GNA14: variants seen among roughly 807,000 people sequenced by gnomAD.
GNA14 encodes the protein G protein subunit alpha 14.
Under a neutral mutation model 42.0 loss-of-function variants are expected in GNA14, and 50 were observed. The observed-to-expected ratio is 1.19, with a 90% confidence interval of 0.95 to 1.51. GNA14 has a LOEUF of 1.51. Among genes scored for constraint, GNA14 ranks in the 40% most tolerant of loss-of-function variants. The probability of loss-of-function intolerance (pLI) is 0.00; values close to 1 mark genes in which losing one functional copy is unlikely to be tolerated. For synonymous variants in GNA14, 173 were observed against 163.1 expected (o/e 1.06, Z -0.46); for missense variants, 473 against 446.2 (o/e 1.06, Z -0.54).
intron 1 of GNA14, among the ~76,000 whole-genome samples, chr9:77,628,884 A>G (rs966459793): frequency 6.6e-6 from 1 of 152,226 alleles, no homozygotes; most frequent in Non-Finnish European, 1.5e-5. Flanking sequence ...CAAAATTGAC[A>G]AATGGGATCA....
intron 2 of GNA14, among the ~76,000 whole-genome samples, chr9:77,459,555 C>T (rs1000965684): frequency 6.6e-6 from 1 of 152,160 alleles, no homozygotes; most frequent in African/African-American, 2.4e-5. Flanking sequence ...CCTCAGGAGA[C>T]CCCACTGCTC....
chr9:77,497,893 G>A (rs1005632019), intron 2 of GNA14, among the ~76,000 whole-genome samples: 5 of 152,130 alleles, frequency 3.3e-5, no homozygotes, highest in African/African-American at 1.2e-4. Context: ...TTAGTAGCCA[G>A]TACTACCCCA....
At chr9:77,460,976 ATAAAGT>A (rs1489586521) in intron 2 of GNA14, among the ~76,000 whole-genome samples, 2 of 152,250 alleles carry the variant, frequency 1.3e-5, no homozygotes, top group African/African-American at 4.8e-5. Flanking sequence ...AAAATAAAGT[ATAAAGT>A]TAGTTTGTTA....
chr9:77,593,960 G>A (rs1587841728), intron 1 of GNA14, among the ~76,000 whole-genome samples: 1 of 152,156 alleles, frequency 6.6e-6, no homozygotes, highest in East Asian at 1.9e-4. Context: ...TACAATGAAT[G>A]GTTCACCATT....
Position 77,647,861 on chromosome 9 carries a change from T to C in GNA14, c.-68A>G. On this transcript the variant is annotated 5_prime_UTR_variant, in exon 1 of 7. It removes the in-frame stop codon of an upstream open reading frame in the 5' UTR. Coordinates refer to ENST00000341700, the MANE Select transcript of GNA14 (RefSeq NM_004297.4). The stretch of plus-strand genomic sequence containing the variant: ...GCACCCGAATCCTCGGCCCGGCCGC[T>C]CACCCGGCCAGCATGCGACGGGCAC... The C allele has an allele frequency of 6.5e-7, 1 of 1,549,266 alleles. No individual in the cohort carries two copies. Among genetic ancestry groups the C allele is most frequent in the Admixed American group, 1.9e-5 (1 of 52,342 alleles).
At chr9:77,433,511 C>G (rs1395380564) in intron 3 of GNA14, among the ~76,000 whole-genome samples, 1 of 152,006 alleles carries the variant, frequency 6.6e-6, no homozygotes, top group Admixed American at 6.6e-5. Context: ...CTCAGCCTCC[C>G]GAGCAGCTGC....
chr9:77,446,580 T>A (rs748317018), intron 2 of GNA14, among the ~76,000 whole-genome samples: 2 of 151,344 alleles, frequency 1.3e-5, no homozygotes, highest in Non-Finnish European at 2.9e-5. Context: ...TCCCATGCAA[T>A]CCCCCTCCAT....
chr9:77,634,200 G>T (rs1033621985), intron 1 of GNA14, among the ~76,000 whole-genome samples: 2 of 151,984 alleles, frequency 1.3e-5, no homozygotes, highest in Non-Finnish European at 2.9e-5. Flanking sequence ...CAGGAGGATT[G>T]CTTGAGAGCA....
chr9:77,603,937 C>G (rs1587844992), intron 1 of GNA14, among the ~76,000 whole-genome samples: 1 of 99,926 alleles, frequency 1.0e-5, no homozygotes, highest in East Asian at 3.1e-4. Flanking sequence ...GAGTAAGACT[C>G]CATCTCAAAA....
intron 1 of GNA14, among the ~76,000 whole-genome samples, chr9:77,608,728 T>A (rs1233817757): frequency 8.2e-6 from 1 of 121,682 alleles, no homozygotes; most frequent in Admixed American, 8.4e-5. Context: ...AAGCCCAATA[T>A]CCTGTTTTTT....
At chr9:77,559,413 G>A (rs943707346) in intron 1 of GNA14, among the ~76,000 whole-genome samples, 4 of 152,164 alleles carry the variant, frequency 2.6e-5, no homozygotes, top group African/African-American at 7.2e-5. Flanking sequence ...GACAAAGGAC[G>A]GGGCATCCCT....
chr9:77,588,231 T>A (rs1386195796), intron 1 of GNA14, among the ~76,000 whole-genome samples: 1 of 152,114 alleles, frequency 6.6e-6, no homozygotes, highest in Non-Finnish European at 1.5e-5. Context: ...GAGGGGGACA[T>A]CTTTGGGGGG....
chr9:77,530,158 T>A (rs967394296), intron 1 of GNA14, among the ~76,000 whole-genome samples: 2 of 152,134 alleles, frequency 1.3e-5, no homozygotes, highest in Non-Finnish European at 2.9e-5. Context: ...TGAATTGTAA[T>A]CCCCAGTGTT....
intron 1 of GNA14, among the ~76,000 whole-genome samples, chr9:77,569,647 G>A (rs1378305448): frequency 6.6e-6 from 1 of 152,182 alleles, no homozygotes; most frequent in Non-Finnish European, 1.5e-5. Flanking sequence ...GGCTATGTGG[G>A]GGCTTTGGTT....
Position 77,486,647 on chromosome 9 carries a change from T to G in GNA14, c.309+42422A>C, listed in dbSNP as rs552054592. Among the ~76,000 whole-genome samples the G allele has an allele frequency of 2.1e-4, 32 of 152,314 alleles. No homozygotes were observed. The East Asian group carries it at 5.8e-3, about 28-fold the overall frequency. On this transcript the variant is annotated intron_variant, in intron 2 of 6. Coordinates refer to ENST00000341700, the MANE Select transcript of GNA14 (RefSeq NM_004297.4). ...TGTGACTCCTCTTTTCACTTGAACA[T>G]TTTGAGACCATTGTAGGATTATTAA...
chr9:77,464,148 T>C (rs553608268), intron 2 of GNA14, among the ~76,000 whole-genome samples: 4 of 152,034 alleles, frequency 2.6e-5, no homozygotes, highest in Non-Finnish European at 5.9e-5. Flanking sequence ...CTATAGGTCC[T>C]TGCCACCAAG....
intron 2 of GNA14, among the ~76,000 whole-genome samples, chr9:77,463,881 G>A (rs1286399158): frequency 6.6e-6 from 1 of 152,072 alleles, no homozygotes; most frequent in Non-Finnish European, 1.5e-5. Flanking sequence ...GTGCATGTAT[G>A]GATTCCTCTC....
chr9:77,493,038 T>TATATATATATATATATATAA (rs1836811296), intron 2 of GNA14, among the ~76,000 whole-genome samples: 1 of 130,232 alleles, frequency 7.7e-6, no homozygotes, highest in Non-Finnish European at 1.6e-5. Flanking sequence ...TATATATATA[T>TATATATATATATATATATAA]ATATATATTT....
chr9:77,440,098 C>T (rs780014619), intron 2 of GNA14, among the ~76,000 whole-genome samples: 1 of 152,202 alleles, frequency 6.6e-6, no homozygotes, highest in Non-Finnish European at 1.5e-5. Context: ...GATACAGAAA[C>T]ATGACCAGGC....
Sources: allele counts gnomAD v4.1 joint callset (sites outside exome capture counted in the v4.1 genomes callset), GRCh38; gene constraint gnomAD v4.1.1; transcripts MANE v1.5; gene names NCBI Gene and HGNC (gene_info 2026-07-23, HGNC 2026-07-21).